Variants in PIK3R5 observed in about 807,000 individuals in gnomAD.
PIK3R5 encodes phosphoinositide-3-kinase regulatory subunit 5, also known as phosphoinositide 3-kinase regulatory subunit 5.
Under a neutral mutation model 94.9 loss-of-function variants are expected in PIK3R5, and 32 were observed. The ratio of observed to expected loss-of-function variants is 0.34; its 90% CI spans 0.25 to 0.45. The LOEUF (loss-of-function observed/expected upper bound fraction) is 0.45. Ranked by LOEUF, PIK3R5 falls within the 20% of genes least tolerant of loss-of-function variation. PIK3R5 has a pLI of 1.00. For missense variants in PIK3R5, 853 were observed against 1,144.6 expected, an observed-to-expected ratio of 0.75 and a Z score of 3.68; for synonymous variants, 443 against 479.4, an observed-to-expected ratio of 0.92 and a Z score of 0.99.
In PIK3R5 at chr17:8,880,712, G is replaced by T; in HGVS notation, c.2570C>A (p.Pro857Gln). The T allele has an allele frequency of 3.1e-6, 5 of 1,613,926 alleles. No homozygotes were observed. Among genetic ancestry groups the T allele is most frequent in the Non-Finnish European group, 4.2e-6 (5 of 1,179,910 alleles). Reference protein sequence around the residue: ...SSPPQTPPDLPAQAAPDLCSL... With the variant: ...SSPPQTPPDLQAQAAPDLCSL... ...GCAGAGATCAGGTGCGGCCTGGGCC[G>T]GCAGGTCAGGAGGCGTCTGGGGTGG... The change falls in exon 19 of 19, where the codon CCG becomes CAG. Residue 857 changes from proline (P) to glutamine (Q), a missense_variant. Physicochemically the swap from Pro to Gln is moderately conservative, Grantham distance 76. This residue lies in a region of PIK3R5 where 91 missense variants were observed against 90.5 expected (regional missense o/e 1.01). Transcript: ENST00000447110.
rs2089683955 is a variant in PIK3R5 at position 8,882,106 on chromosome 17, A to G, written c.2206-225T>C. 3.6e-6 allele frequency: 2 copies of G among 557,648 alleles called. No homozygotes were observed. Among genetic ancestry groups the G allele is most frequent in the Non-Finnish European group, 6.4e-6 (2 of 310,228 alleles). 34.5% of individuals were successfully genotyped at this position (557,648 alleles called of 1,614,324 possible). On this transcript the variant is annotated intron_variant, in intron 15 of 18. Transcript: ENST00000447110. The surrounding 1 kb of genome is among the most constrained non-coding windows in gnomAD (Gnocchi z 4.1). Reference sequence around the variant, plus strand: ...CTAGGGGTCAGCAGCCTCTGTGACCAGGTTGAAAGGTACAAGAGCTGAGAG... The same window carrying G: ...CTAGGGGTCAGCAGCCTCTGTGACCGGGTTGAAAGGTACAAGAGCTGAGAG...
Position 8,934,670 on chromosome 17 carries a change from T to C in PIK3R5, c.-13-23163A>G, listed in dbSNP as rs138279109. On this transcript the variant is annotated intron_variant, in intron 1 of 18. Transcript: ENST00000447110. ...CTGACTTCAAGATTTGCTCTAGGGC[T>C]ACAGTAATCAAGACAATCTGGTACT... is the stretch of plus-strand genomic sequence containing the variant. Among the ~76,000 whole-genome samples the C allele has an allele frequency of 3.6e-3, 550 of 152,342 alleles. 1 individual carries two copies. Among genetic ancestry groups the C allele is most frequent in the South Asian group, 0.016 (75 of 4,830 alleles).
intron 1 of PIK3R5, among the ~76,000 whole-genome samples, chr17:8,958,444 G>A (rs943572260): frequency 4.6e-5 from 7 of 152,310 alleles, no homozygotes; most frequent in Non-Finnish European, 1.0e-4. Flanking sequence ...ATCACAAGGT[G>A]AAAGAGTACA....
chr17:8,935,097 C>T lies in PIK3R5; in HGVS notation c.-13-23590G>A, dbSNP rs2091049321. ...CACTTCTTCAGGGGAGATCTTCTGA[C>T]CTCCAGGCTTGGCTGGATGTCCACC... is the stretch of plus-strand genomic sequence containing the variant. On this transcript the variant is annotated intron_variant, in intron 1 of 18. Transcript: ENST00000447110. The surrounding 1 kb of genome is among the most constrained non-coding windows in gnomAD (Gnocchi z 4.5). 1.3e-5 allele frequency among the ~76,000 whole-genome samples: 2 copies of T among 152,190 alleles called. No homozygotes were observed.
intron 1 of PIK3R5, among the ~76,000 whole-genome samples, chr17:8,917,493 AG>A (rs973025171): frequency 2.0e-5 from 3 of 152,226 alleles, no homozygotes; most frequent in Non-Finnish European, 2.9e-5. Context: ...TACTGGTCAA[AG>A]TCAAAAATAA....
In PIK3R5 at chr17:8,886,495, C is replaced by A; in HGVS notation, c.2016G>T (p.Leu672=). The part of the protein sequence containing the change: ...YCRFAARPVL[L]QVYQTELTFI... ...GCCTTACCTCGGTCTGATAGACTTGCAGCAGCACCGGTCTGGCGGCAAAGC... is the reference window on the plus strand; with the variant it reads ...GCCTTACCTCGGTCTGATAGACTTGAAGCAGCACCGGTCTGGCGGCAAAGC... Residue 672 remains leucine, a synonymous_variant, in exon 13 of 19, where the codon CTG becomes CTT. Coordinates refer to ENST00000447110, the MANE Select transcript of PIK3R5 (RefSeq NM_001142633.3). The A allele has an allele frequency of 6.2e-7, 1 of 1,607,660 alleles. No individual in the cohort carries two copies.
At chr17:8,920,080 C>T (rs2090709023) in intron 1 of PIK3R5, among the ~76,000 whole-genome samples, 1 of 151,916 alleles carries the variant, frequency 6.6e-6, no homozygotes, top group African/African-American at 2.4e-5. Flanking sequence ...GACAGGGTTT[C>T]ACCATGGTGG....
In PIK3R5 at chr17:8,909,171, C is replaced by G. The variant is rs779585787; in HGVS notation, c.107G>C (p.Gly36Ala). The G allele has an allele frequency of 5.7e-6, 9 of 1,590,836 alleles. No individual in the cohort carries two copies. The highest frequency in any genetic ancestry group is 7.7e-6 in the Non-Finnish European group (9 of 1,166,900). The change falls in exon 3 of 19, where the codon GGG becomes GCG. Residue 36 changes from glycine (G) to alanine (A), a missense_variant. Around this residue, in one of 6 missense-constraint regions of PIK3R5, gnomAD observed 108 missense variants for 170.1 expected, o/e 0.63. Coordinates refer to ENST00000447110, the MANE Select transcript of PIK3R5 (RefSeq NM_001142633.3). The surrounding 1 kb of genome is among the most constrained non-coding windows in gnomAD (Gnocchi z 4.3). Reference sequence around the variant, plus strand: ...CAGGCTCCAGCAGTTCAGACACAGCCCAGCTGGAAAAGGAGAGAGAGGCAA... The same window carrying G: ...CAGGCTCCAGCAGTTCAGACACAGCGCAGCTGGAAAAGGAGAGAGAGGCAA... Reference protein sequence around the residue: ...LSRRSTSWSAGLCLNCWSLQE... With the variant: ...LSRRSTSWSAALCLNCWSLQE...
chr17:8,889,066 G>A lies in PIK3R5; in HGVS notation c.895+73C>T. On this transcript the variant is annotated intron_variant, in intron 9 of 18. Transcript: ENST00000447110. The surrounding 1 kb of genome is among the most constrained non-coding windows in gnomAD (Gnocchi z 4.1). The stretch of plus-strand genomic sequence containing the variant: ...GAGCTTTGGGGACGGGGTGGGAGCT[G>A]CATGGACCCAGGACCAGAAACACAG... 1 of 1,533,188 alleles carries A rather than the reference G, an allele frequency of 6.5e-7. No individual in the cohort carries two copies. The highest frequency in any genetic ancestry group is 8.9e-7 in the Non-Finnish European group (1 of 1,125,884). The allele number at this position is 1,533,188 out of a possible 1,614,324, so 95.0% of individuals were successfully genotyped here. A position where few individuals can be genotyped will look rare whatever the true frequency, so the allele number is the denominator to read the frequency against.
rs141349610 is a variant in PIK3R5 at position 8,913,428 on chromosome 17, T to C, written c.-13-1921A>G. 7.1e-3 allele frequency among the ~76,000 whole-genome samples: 1,075 copies of C among 152,274 alleles called. 12 individuals carry two copies. Among genetic ancestry groups the C allele is most frequent in the African/African-American group, 0.024 (1,003 of 41,554 alleles). On this transcript the variant is annotated intron_variant, in intron 1 of 18. Transcript: ENST00000447110. ...GTTCAGAAAACTTTTCACGGGTGGC[T>C]GGGTGCGGTGGCTCATGCCCGTAAT...
At position 8,882,882 on chromosome 17, in the gene PIK3R5, C is replaced by A. The variant is rs748278388; in HGVS notation, c.2206-1001G>T. On this transcript the variant is annotated intron_variant, in intron 15 of 18. Transcript: ENST00000447110. This position sits in a 1 kb window ranked among gnomAD's most constrained non-coding sequence, Gnocchi z 4.1. ...CTAGTGCAGGCTGCTGCCCTAATTT[C>A]TCTTCTGGACCATGGCAACAGCCTC... Among the ~76,000 whole-genome samples the A allele has an allele frequency of 9.8e-6, 1 of 101,656 alleles. No homozygotes were observed. The highest frequency in any genetic ancestry group is 1.8e-5 in the Non-Finnish European group (1 of 54,506). 66.7% of individuals were successfully genotyped at this position (101,656 alleles called of 152,430 possible). A position where few individuals can be genotyped will look rare whatever the true frequency, so the allele number is the denominator to read the frequency against.
rs1368968033 is a variant in PIK3R5 at position 8,904,171 on chromosome 17, G to T, written c.412+606C>A. Among the ~76,000 whole-genome samples, 2 of 152,178 alleles carry T rather than the reference G, an allele frequency of 1.3e-5. No homozygotes were observed. Among genetic ancestry groups the T allele is most frequent in the African/African-American group, 4.8e-5 (2 of 41,432 alleles). On this transcript the variant is annotated intron_variant, in intron 5 of 18. Coordinates refer to ENST00000447110, the MANE Select transcript of PIK3R5 (RefSeq NM_001142633.3). This position sits in a 1 kb window ranked among gnomAD's most constrained non-coding sequence, Gnocchi z 5.1. The stretch of plus-strand genomic sequence containing the variant: ...AGCCGCTTCTCAGTAAATCACACTT[G>T]CTAAGTTTTCTCCTGCACTACTGTA...
At chr17:8,956,051 T>C (rs1410124057) in intron 1 of PIK3R5, among the ~76,000 whole-genome samples, 6 of 151,994 alleles carry the variant, frequency 3.9e-5, no homozygotes, top group African/African-American at 1.5e-4. Context: ...TCCCAGCTAC[T>C]CAGGAGACTG....
rs185851162 is a variant in PIK3R5 at position 8,956,611 on chromosome 17, C to T, written c.-14+8985G>A. ...TAGCCCGTACATCACATCACAGCCC[C>T]CTGTGTTCTCTTAAGCACAATAACA... On this transcript the variant is annotated intron_variant, in intron 1 of 18. Coordinates refer to ENST00000447110, the MANE Select transcript of PIK3R5 (RefSeq NM_001142633.3). Among the ~76,000 whole-genome samples, 722 of 152,290 alleles carry T rather than the reference C, an allele frequency of 4.7e-3. 3 individuals are homozygous for T. The highest frequency in any genetic ancestry group is 0.017 in the African/African-American group (690 of 41,562).
At position 8,908,530 on chromosome 17, in the gene PIK3R5, AACACACACACACAC is replaced by A. The variant is rs3138608; in HGVS notation, c.204+530_204+543del. Among the ~76,000 whole-genome samples, 352 of 136,680 alleles carry A rather than the reference AACACACACACACAC, an allele frequency of 2.6e-3. 1 individual carries two copies. Among genetic ancestry groups the A allele is most frequent in the Non-Finnish European group, 2.6e-3 (168 of 63,928 alleles). 89.7% of individuals were successfully genotyped at this position (136,680 alleles called of 152,430 possible). On this transcript the variant is annotated intron_variant, in intron 3 of 18. Coordinates refer to ENST00000447110, the MANE Select transcript of PIK3R5 (RefSeq NM_001142633.3). Reference sequence around the variant, plus strand: ...AATCACATGTATTTAAAATAATTAAAACACACACACACACACACACACACACACACACACACACA... The same window carrying A: ...AATCACATGTATTTAAAATAATTAAAACACACACACACACACACACACACA...
chr17:8,935,915 G>A lies in PIK3R5; in HGVS notation c.-13-24408C>T, dbSNP rs987285940. Among the ~76,000 whole-genome samples the A allele has an allele frequency of 3.3e-5, 5 of 151,980 alleles. No homozygotes were observed. Among genetic ancestry groups the A allele is most frequent in the Admixed American group, 6.5e-5 (1 of 15,276 alleles). On this transcript the variant is annotated intron_variant, in intron 1 of 18. Coordinates refer to ENST00000447110, the MANE Select transcript of PIK3R5 (RefSeq NM_001142633.3). The surrounding 1 kb of genome is among the most constrained non-coding windows in gnomAD (Gnocchi z 4.5). ...TAAAAATACAAAAAATTAGCCGGGC[G>A]TGGTGGCGGGCACCTGTAGTCCCAG...
intron 1 of PIK3R5, chr17:8,912,491 G>A (rs999201031): frequency 1.3e-5 from 2 of 152,278 alleles, no homozygotes; most frequent in Non-Finnish European, 2.9e-5. Flanking sequence ...AAGATAAAAT[G>A]CTGTAGCAGA....
chr17:8,895,937 C>A (rs1328781461), intron 5 of PIK3R5, among the ~76,000 whole-genome samples: 1 of 152,170 alleles, frequency 6.6e-6, no homozygotes, highest in Non-Finnish European at 1.5e-5. Flanking sequence ...CCCCAAAACA[C>A]CATCAACCCC....
intron 1 of PIK3R5, among the ~76,000 whole-genome samples, chr17:8,932,088 A>G (rs578097843): frequency 2.6e-5 from 4 of 152,218 alleles, no homozygotes; most frequent in Non-Finnish European, 5.9e-5. Context: ...GAAGTAATTC[A>G]ATGAATAAAA....
Sources: allele counts gnomAD v4.1 joint callset (sites outside exome capture counted in the v4.1 genomes callset), GRCh38; gene constraint gnomAD v4.1.1; regional missense constraint gnomAD v4.1.1; non-coding constraint Gnocchi (gnomAD v3.1); transcripts MANE v1.5; gene names NCBI Gene and HGNC (gene_info 2026-07-23, HGNC 2026-07-21).